Variants in QKI observed in about 807,000 individuals in gnomAD.
QKI encodes KH domain-containing RNA-binding protein QKI.
QKI carries 10 observed loss-of-function variants against 39.0 expected under a neutral mutation model. The observed-to-expected ratio is 0.26, with a 90% CI of 0.16 to 0.43. The LOEUF is 0.43. Ranked by LOEUF, QKI falls within the 20% of genes least tolerant of loss-of-function variation. The probability of loss-of-function intolerance (pLI) is 1.00; values close to 1 mark genes in which losing one functional copy is unlikely to be tolerated. For synonymous variants in QKI, 204 were observed against 155.4 expected, an observed-to-expected ratio of 1.31 and a Z score of -2.33; for missense variants, 218 against 428.0, an observed-to-expected ratio of 0.51 and a Z score of 4.33.
At chr6:163,556,713 G>A (rs1019569824) in intron 4 of QKI, among the ~76,000 whole-genome samples, 15 of 152,048 alleles carry the variant, frequency 9.9e-5, no homozygotes, top group African/African-American at 3.6e-4. Flanking sequence ...TTACGGACTG[G>A]ATTATGGGCG....
intron 3 of QKI, among the ~76,000 whole-genome samples, chr6:163,534,540 C>T (rs1486838471): frequency 6.6e-6 from 1 of 152,208 alleles, no homozygotes; most frequent in African/African-American, 2.4e-5. Flanking sequence ...AGCTGTGTGA[C>T]ATTGAGAGGT....
At chr6:163,491,224 A>T (rs1055044796) in intron 3 of QKI, among the ~76,000 whole-genome samples, 1 of 152,222 alleles carries the variant, frequency 6.6e-6, no homozygotes, top group Admixed American at 6.5e-5. Context: ...TAGTTACCAG[A>T]GAAGTGGAGT....
At chr6:163,534,387 C>G (rs1262033209) in intron 3 of QKI, among the ~76,000 whole-genome samples, 2 of 152,202 alleles carry the variant, frequency 1.3e-5, no homozygotes, top group Non-Finnish European at 2.9e-5. Context: ...TGGTAGTCAT[C>G]TTACACAATA....
At chr6:163,422,444 T>C (rs1788066843) in intron 1 of QKI, among the ~76,000 whole-genome samples, 1 of 152,106 alleles carries the variant, frequency 6.6e-6, no homozygotes, top group African/African-American at 2.4e-5. Context: ...AAGAACATAA[T>C]TAGTCGGATG....
intron 2 of QKI, among the ~76,000 whole-genome samples, chr6:163,468,889 A>G (rs1791974090): frequency 6.6e-6 from 1 of 152,082 alleles, no homozygotes; most frequent in Admixed American, 6.6e-5. Flanking sequence ...TGCAGTAGAC[A>G]AAGCAGCTGC....
intron 4 of QKI, among the ~76,000 whole-genome samples, chr6:163,552,490 G>A (rs772392121): frequency 4.6e-5 from 7 of 152,248 alleles, no homozygotes; most frequent in East Asian, 1.9e-4. Context: ...GATTACAGGC[G>A]TGAGCCACCG....
intron 4 of QKI, among the ~76,000 whole-genome samples, chr6:163,544,316 A>G (rs886782220): frequency 2.0e-5 from 3 of 152,058 alleles, no homozygotes; most frequent in African/African-American, 4.8e-5. Context: ...TGCAAATACT[A>G]TGCCATTTTA....
intron 1 of QKI, among the ~76,000 whole-genome samples, chr6:163,447,173 G>T (rs1017412355): frequency 2.0e-5 from 3 of 149,422 alleles, no homozygotes; most frequent in Non-Finnish European, 3.0e-5. Context: ...ACTTGGTCCA[G>T]TTTCTTTTAT....
chr6:163,530,292 C>T (rs929299293), intron 3 of QKI, among the ~76,000 whole-genome samples: 1 of 152,132 alleles, frequency 6.6e-6, no homozygotes, highest in African/African-American at 2.4e-5. Context: ...CTCCTGTCTG[C>T]TTATTTCAAC....
At chr6:163,471,500 G>A (rs1186987790) in intron 2 of QKI, among the ~76,000 whole-genome samples, 2 of 152,062 alleles carry the variant, frequency 1.3e-5, no homozygotes, top group African/African-American at 4.8e-5. Flanking sequence ...GAAAAACAAA[G>A]GCATATAAAC....
At chr6:163,523,319 C>T (rs1015255832) in intron 3 of QKI, among the ~76,000 whole-genome samples, 8 of 152,030 alleles carry the variant, frequency 5.3e-5, no homozygotes, top group Non-Finnish European at 1.2e-4. Context: ...GTGGAATGCA[C>T]GAGAAAGCAC....
chr6:163,432,981 C>T (rs1025613506), intron 1 of QKI, among the ~76,000 whole-genome samples: 1 of 151,930 alleles, frequency 6.6e-6, no homozygotes, highest in African/African-American at 2.4e-5. Flanking sequence ...AAATGAATCC[C>T]TTAAGAGAAT....
chr6:163,546,055 A>G (rs940597879), intron 4 of QKI, among the ~76,000 whole-genome samples: 19 of 148,542 alleles, frequency 1.3e-4, no homozygotes, highest in African/African-American at 4.2e-4. Flanking sequence ...TAAAATATTA[A>G]TATTTATGTC....
At chr6:163,553,821 A>T (rs181709605) in intron 4 of QKI, among the ~76,000 whole-genome samples, 1 of 152,258 alleles carries the variant, frequency 6.6e-6, no homozygotes, top group East Asian at 1.9e-4. Context: ...TGTTAGTTTT[A>T]TATAGTTTTA....
chr6:163,490,915 G>T (rs1778009578), intron 3 of QKI, among the ~76,000 whole-genome samples: 1 of 152,080 alleles, frequency 6.6e-6, no homozygotes, highest in Admixed American at 6.6e-5. Context: ...AATCTACTTT[G>T]AATTCAAAAC....
At chr6:163,488,800 A>C (rs1041053156) in intron 3 of QKI, among the ~76,000 whole-genome samples, 3 of 152,154 alleles carry the variant, frequency 2.0e-5, no homozygotes, top group African/African-American at 7.2e-5. Flanking sequence ...AAATTGCATA[A>C]AATATTTTCC....
intron 3 of QKI, among the ~76,000 whole-genome samples, chr6:163,510,060 C>T (rs1223024908): frequency 6.6e-6 from 1 of 151,764 alleles, no homozygotes; most frequent in Non-Finnish European, 1.5e-5. Context: ...ACTAAAAATA[C>T]AAAAAATTAG....
intron 3 of QKI, among the ~76,000 whole-genome samples, chr6:163,486,111 A>G (rs1226523459): frequency 1.3e-5 from 2 of 152,196 alleles, no homozygotes; most frequent in Admixed American, 6.5e-5. Flanking sequence ...CCATGGGACA[A>G]CCTTGGAAAA....
intron 2 of QKI, among the ~76,000 whole-genome samples, chr6:163,468,908 G>GTT (rs112871082): frequency 1.4e-5 from 2 of 147,088 alleles, no homozygotes; most frequent in Admixed American, 6.8e-5. Flanking sequence ...GCTGTGATTA[G>GTT]TTTTTTTTTT....
Sources: allele counts gnomAD v4.1 joint callset (sites outside exome capture counted in the v4.1 genomes callset), GRCh38; gene constraint gnomAD v4.1.1; transcripts MANE v1.5; gene names NCBI Gene and HGNC (gene_info 2026-07-23, HGNC 2026-07-21).